The following MARCHF1 variants were observed in gnomAD, a reference collection of about 807,000 sequenced individuals.
The protein encoded by MARCHF1 is E3 ubiquitin-protein ligase MARCHF1.
MARCHF1 carries 40 observed loss-of-function variants against 54.2 expected under a neutral mutation model. That is an observed-to-expected ratio of 0.74 (90% confidence interval 0.57 to 0.96). The LOEUF (loss-of-function observed/expected upper bound fraction) is 0.96. MARCHF1 is among the 40% of genes least tolerant of loss of function. The pLI is 0.00. For synonymous variants in MARCHF1, 236 were observed against 236.3 expected (o/e 1.00, Z 0.01); for missense variants, 586 against 656.5 (o/e 0.89, Z 1.17).
intron 4 of MARCHF1, among the ~76,000 whole-genome samples, chr4:163,798,306 A>G (rs1305137896): frequency 6.6e-6 from 1 of 152,176 alleles, no homozygotes; most frequent in Non-Finnish European, 1.5e-5. Context: ...GGGAAACTTT[A>G]TCAGAAAGCA....
intron 3 of MARCHF1, among the ~76,000 whole-genome samples, chr4:163,922,198 C>T (rs989192879): frequency 7.7e-6 from 1 of 129,516 alleles, no homozygotes; most frequent in Non-Finnish European, 1.6e-5. Flanking sequence ...GAGCATCACA[C>T]GCCGGGGCCT....
intron 5 of MARCHF1, among the ~76,000 whole-genome samples, chr4:163,635,166 C>G (rs2085693398): frequency 1.5e-5 from 1 of 66,706 alleles, no homozygotes. Context: ...AAATTGACAC[C>G]CTAACATCAC....
chr4:164,352,261 C>T (rs1230038708), intron 1 of MARCHF1, among the ~76,000 whole-genome samples: 13 of 104,858 alleles, frequency 1.2e-4, no homozygotes, highest in South Asian at 7.1e-4. Context: ...ATACAGAGAA[C>T]GCCACAAAGA....
intron 3 of MARCHF1, among the ~76,000 whole-genome samples, chr4:163,854,697 G>A (rs1165498876): frequency 6.6e-6 from 1 of 152,074 alleles, no homozygotes; most frequent in Non-Finnish European, 1.5e-5. Context: ...TTTACTGCAA[G>A]TATAATAAAT....
intron 1 of MARCHF1, among the ~76,000 whole-genome samples, chr4:164,275,444 A>T (rs1733854649): frequency 6.6e-6 from 1 of 151,886 alleles, no homozygotes; most frequent in South Asian, 2.1e-4. Context: ...CTGACATTAG[A>T]ATAATCCTTG....
chr4:163,670,843 C>CTTTTATTTTTTTCTGAATCTTCAAGTA, intron 5 of MARCHF1, among the ~76,000 whole-genome samples: 2 of 152,126 alleles, frequency 1.3e-5, no homozygotes, highest in Non-Finnish European at 2.9e-5. Flanking sequence ...GTAAGTGTTC[C>CTTTTATTTTTTTCTGAATCTTCAAGTA]TTTTATTTTT....
intron 8 of MARCHF1, among the ~76,000 whole-genome samples, chr4:163,574,203 C>G (rs1159182346): frequency 6.6e-6 from 1 of 152,000 alleles, no homozygotes; most frequent in Non-Finnish European, 1.5e-5. Flanking sequence ...ATTGTAGATT[C>G]TGGATATTAG....
At chr4:164,145,802 G>A (rs1248536079) in intron 1 of MARCHF1, among the ~76,000 whole-genome samples, 1 of 126,092 alleles carries the variant, frequency 7.9e-6, no homozygotes, top group Admixed American at 8.5e-5. Context: ...ATTCAACATA[G>A]TGTTGGAAGT....
At chr4:164,091,272 T>C (rs1281879865) in intron 2 of MARCHF1, among the ~76,000 whole-genome samples, 1 of 151,922 alleles carries the variant, frequency 6.6e-6, no homozygotes, top group Non-Finnish European at 1.5e-5. Flanking sequence ...AGCTTATGTA[T>C]TCCATAACAC....
intron 1 of MARCHF1, among the ~76,000 whole-genome samples, chr4:164,161,545 T>TCAGCAG (rs36007870): frequency 5.0e-4 from 75 of 150,904 alleles, no homozygotes; most frequent in African/African-American, 1.5e-3. Flanking sequence ...ATCATCATCA[T>TCAGCAG]CAGCAGCAGC....
At chr4:163,737,703 T>A (rs1332951828) in intron 4 of MARCHF1, among the ~76,000 whole-genome samples, 1 of 122,898 alleles carries the variant, frequency 8.1e-6, no homozygotes, top group African/African-American at 2.6e-5. Context: ...TCAAAACCAC[T>A]ATGAGATATC....
At chr4:163,814,443 G>C (rs1468041589) in intron 4 of MARCHF1, among the ~76,000 whole-genome samples, 5 of 152,200 alleles carry the variant, frequency 3.3e-5, no homozygotes, top group Non-Finnish European at 7.3e-5. Context: ...AGCCGGTTGT[G>C]TGTGGTGGCG....
chr4:163,618,490 T>C (rs1295058708), intron 5 of MARCHF1, among the ~76,000 whole-genome samples: 1 of 152,198 alleles, frequency 6.6e-6, no homozygotes, highest in East Asian at 1.9e-4. Flanking sequence ...GCAGGCCTAG[T>C]TTCCCCTATC....
At position 163,610,941 on chromosome 4, in the gene MARCHF1, T is replaced by A. The variant is rs1400305311; in HGVS notation, c.1010+1330A>T. Among the ~76,000 whole-genome samples the A allele has an allele frequency of 2.6e-5, 4 of 152,154 alleles. No homozygotes were observed. In the East Asian group the frequency reaches 7.8e-4, roughly 30 times the overall value. ...AGTGGCAGCCTCTGCCTAGATGGTCTTCCCTGCTTCTTTCCTGATCAATTC... is the reference window on the plus strand; with the variant it reads ...AGTGGCAGCCTCTGCCTAGATGGTCATCCCTGCTTCTTTCCTGATCAATTC... On this transcript the variant is annotated intron_variant, in intron 7 of 9. Coordinates refer to ENST00000514618, the MANE Select transcript of MARCHF1 (RefSeq NM_001394959.1).
chr4:164,222,837 G>A (rs1732151935), intron 1 of MARCHF1, among the ~76,000 whole-genome samples: 2 of 151,952 alleles, frequency 1.3e-5, no homozygotes, highest in African/African-American at 4.8e-5. Context: ...AATAAAGAAT[G>A]TCAGTATATT....
chr4:164,015,199 G>A (rs1198292642), intron 2 of MARCHF1, among the ~76,000 whole-genome samples: 2 of 152,134 alleles, frequency 1.3e-5, no homozygotes, highest in Non-Finnish European at 2.9e-5. Context: ...GACATACGAT[G>A]GGTAAAGCAC....
chr4:164,290,069 C>A (rs1428023406), intron 1 of MARCHF1, among the ~76,000 whole-genome samples: 1 of 151,610 alleles, frequency 6.6e-6, no homozygotes, highest in African/African-American at 2.4e-5. Flanking sequence ...TTTTCCTGTG[C>A]CCTGACGCAT....
At chr4:163,947,379 TTC>T (rs1752045248) in intron 3 of MARCHF1, among the ~76,000 whole-genome samples, 1 of 152,226 alleles carries the variant, frequency 6.6e-6, no homozygotes, top group South Asian at 2.1e-4. Flanking sequence ...GTGAATATTA[TTC>T]TTTTATGTGG....
chr4:164,041,569 A>C (rs1433455215), intron 2 of MARCHF1, among the ~76,000 whole-genome samples: 2 of 152,196 alleles, frequency 1.3e-5, no homozygotes. Flanking sequence ...AAAAACCATT[A>C]TATTTTAGAT....
Sources: gnomAD v4.1 joint callset for allele counts (sites outside exome capture counted in the v4.1 genomes callset) on GRCh38, gnomAD v4.1.1 for gene constraint, MANE v1.5 for transcripts, NCBI Gene and HGNC (gene_info 2026-07-23, HGNC 2026-07-21) for gene names.